Variants in SCYL2 observed in about 807,000 individuals in gnomAD.
The protein encoded by SCYL2 is SCY1 like pseudokinase 2, also known as SCY1-like protein 2.
A neutral mutation model predicts 100.4 loss-of-function variants in SCYL2; 36 were observed. The ratio of observed to expected loss-of-function variants is 0.36; its 90% CI spans 0.27 to 0.47. The LOEUF is 0.47. SCYL2 is among the 20% of genes least tolerant of loss of function. SCYL2 has a pLI of 1.00. For synonymous variants in SCYL2, 330 were observed against 359.2 expected, an observed-to-expected ratio of 0.92 and a Z score of 0.92; for missense variants, 902 against 1,083.9, an observed-to-expected ratio of 0.83 and a Z score of 2.36.
rs1180915936 is a variant in SCYL2 at position 100,282,319 on chromosome 12, C to CTTT, written c.-28-602_-28-600dup. ...AAACCCCACAAAACCCACTTTTAGT[C>CTTT]TTTTTTTTTTTTTTTTTTTTTTTTG... On this transcript the variant is annotated intron_variant, in intron 1 of 17. Coordinates refer to ENST00000360820, the MANE Select transcript of SCYL2 (RefSeq NM_017988.6). Among the ~76,000 whole-genome samples, 121 of 85,590 alleles carry CTTT rather than the reference C, an allele frequency of 1.4e-3. 1 individual carries two copies. The highest frequency in any genetic ancestry group is 2.0e-3 in the African/African-American group (42 of 21,130). The allele number at this position is 85,590 out of a possible 152,430, so 56.2% of individuals were successfully genotyped here.
chr12:100,291,722 T>C, intron 3 of SCYL2, 62 bp downstream of exon 3: 3 of 1,451,240 alleles, frequency 2.1e-6, no homozygotes, highest in Non-Finnish European at 1.9e-6. Context: ...AATAATTTTA[T>C]ATTTGAAATC....
At chr12:100,326,807 T>C in intron 12 of SCYL2, 53 bp downstream of exon 12, 1 of 1,518,434 alleles carries the variant, frequency 6.6e-7, no homozygotes, top group Non-Finnish European at 9.0e-7. Flanking sequence ...AAATAAATTT[T>C]CCAATCTATA....
At chr12:100,322,360 G>C (rs1487178960) in intron 10 of SCYL2, among the ~76,000 whole-genome samples, 1 of 117,600 alleles carries the variant, frequency 8.5e-6, no homozygotes, top group Admixed American at 1.0e-4. Context: ...GCGACAGAGC[G>C]AGACTCCGTC....
chr12:100,325,739 G>A (rs1592965800), intron 11 of SCYL2, among the ~76,000 whole-genome samples: 1 of 151,750 alleles, frequency 6.6e-6, no homozygotes, highest in African/African-American at 2.4e-5. Flanking sequence ...TAGTATTCTC[G>A]GTTTTGCTTA....
At position 100,338,529 on chromosome 12, in the gene SCYL2, C is replaced by G. The variant is rs56391464; in HGVS notation, c.2147C>G (p.Thr716Ser). 3,878 of 1,583,094 alleles carry G rather than the reference C, an allele frequency of 2.4e-3. 124 individuals are homozygous for G. The East Asian group carries it at 0.078, about 32-fold the overall frequency. ...VHTPVATVKQ[T>S]KDLTDTLMDN... ...AAGTAATTCTCTCATATTTTTCAGA[C>G]TAAGGACTTGACAGACACACTGATG... The change falls in exon 18 of 18, where the codon ACT becomes AGT. Residue 716 changes from threonine to serine, a missense_variant and splice_region_variant. Transcript: ENST00000360820.
chr12:100,312,955 C>CA lies in SCYL2; in HGVS notation c.852+313dup, dbSNP rs199522049. Among the ~76,000 whole-genome samples the CA allele has an allele frequency of 2.3e-3, 326 of 144,410 alleles. 6 individuals carry two copies. The East Asian group carries it at 0.044, about 19-fold the overall frequency. 94.7% of individuals were successfully genotyped at this position (144,410 alleles called of 152,430 possible). A position where few individuals can be genotyped will look rare whatever the true frequency, so the allele number is the denominator to read the frequency against. On this transcript the variant is annotated intron_variant, in intron 6 of 17. Coordinates refer to ENST00000360820, the MANE Select transcript of SCYL2 (RefSeq NM_017988.6). ...GTAACATGGCCAAACCACTTCTCCA[C>CA]AAAAAAAAAAATACAAAAAGTTAGC... is the stretch of plus-strand genomic sequence containing the variant.
intron 4 of SCYL2, among the ~76,000 whole-genome samples, chr12:100,307,541 C>G (rs931388625): frequency 6.6e-6 from 1 of 152,110 alleles, no homozygotes; most frequent in Non-Finnish European, 1.5e-5. Flanking sequence ...CATAAAAACC[C>G]TAGAAGAAAA....
chr12:100,318,994 TAAG>T (rs1280906054), intron 10 of SCYL2, among the ~76,000 whole-genome samples: 3 of 152,228 alleles, frequency 2.0e-5, no homozygotes, highest in African/African-American at 7.2e-5. Flanking sequence ...ATACTTATGT[TAAG>T]AACATCTCAC....
intron 12 of SCYL2, among the ~76,000 whole-genome samples, chr12:100,328,069 G>C (rs1952157964): frequency 6.6e-6 from 1 of 152,078 alleles, no homozygotes; most frequent in Non-Finnish European, 1.5e-5. Flanking sequence ...CTTGAGCCCA[G>C]GAGTTCAGGA....
At chr12:100,327,173 C>A in intron 12 of SCYL2, 1 of 398,610 alleles carries the variant, frequency 2.5e-6, no homozygotes, top group Non-Finnish European at 5.1e-6. Flanking sequence ...ACTATTGTTT[C>A]TATTTTATAA....
intron 4 of SCYL2, among the ~76,000 whole-genome samples, chr12:100,305,405 C>G (rs1486946149): frequency 2.6e-5 from 4 of 152,314 alleles, no homozygotes; most frequent in African/African-American, 9.6e-5. Flanking sequence ...TGAATGACTA[C>G]TGGGTAAATA....
chr12:100,304,768 A>G (rs946977602), intron 4 of SCYL2, among the ~76,000 whole-genome samples: 1 of 152,208 alleles, frequency 6.6e-6, no homozygotes, highest in African/African-American at 2.4e-5. Context: ...TCTCACGTGC[A>G]AAGACACACA....
chr12:100,309,369 C>G (rs1390731898), intron 4 of SCYL2, among the ~76,000 whole-genome samples: 1 of 152,158 alleles, frequency 6.6e-6, no homozygotes. Context: ...GAAACAGTAT[C>G]TCCTTATTCC....
At chr12:100,304,199 G>T (rs768948659) in intron 4 of SCYL2, among the ~76,000 whole-genome samples, 2 of 152,250 alleles carry the variant, frequency 1.3e-5, no homozygotes, top group East Asian at 1.9e-4. Context: ...GGGCTCCTTG[G>T]GGGTGGGATC....
intron 2 of SCYL2, among the ~76,000 whole-genome samples, chr12:100,284,004 G>A (rs772714147): frequency 6.6e-6 from 1 of 152,106 alleles, no homozygotes; most frequent in African/African-American, 2.4e-5. Flanking sequence ...AAAAGTAAAT[G>A]GTTTCTTGAG....
At chr12:100,331,271 G>C (rs1177420400) in intron 13 of SCYL2, among the ~76,000 whole-genome samples, 2 of 152,230 alleles carry the variant, frequency 1.3e-5, no homozygotes, top group African/African-American at 4.8e-5. Context: ...TGTCATTTCT[G>C]TTCTTAGTTC....
chr12:100,295,500 G>C (rs988183239), intron 3 of SCYL2, among the ~76,000 whole-genome samples: 7 of 151,910 alleles, frequency 4.6e-5, no homozygotes, highest in Non-Finnish European at 1.0e-4. Flanking sequence ...GCTGGAGACC[G>C]GCCAGGCCAA....
At chr12:100,326,780 A>T in intron 12 of SCYL2, 26 bp downstream of exon 12, 1 of 1,595,050 alleles carries the variant, frequency 6.3e-7, no homozygotes, top group Non-Finnish European at 8.5e-7. Flanking sequence ...ATGTCATTTG[A>T]TGCTATTTTA....
intron 3 of SCYL2, chr12:100,291,913 A>G (rs954549538): frequency 1.6e-5 from 6 of 378,126 alleles, no homozygotes; most frequent in Admixed American, 9.9e-5. Flanking sequence ...CATGACTACA[A>G]TAGTCAAAAT....
Sources: allele counts gnomAD v4.1 joint callset (sites outside exome capture counted in the v4.1 genomes callset), GRCh38; gene constraint gnomAD v4.1.1; transcripts MANE v1.5; gene names NCBI Gene and HGNC (gene_info 2026-07-23, HGNC 2026-07-21).